The following DUSP11 variants were observed in gnomAD, a reference collection of about 807,000 sequenced individuals.
DUSP11 encodes the protein dual specificity phosphatase 11.
In DUSP11, 27 loss-of-function variants were observed where a neutral mutation model predicts 41.4. That is an observed-to-expected ratio of 0.65 (90% CI 0.48 to 0.90). DUSP11 has a LOEUF of 0.90. Ranked by LOEUF, DUSP11 falls within the 40% of genes least tolerant of loss-of-function variation. The pLI is 0.00. For missense variants in DUSP11, 465 were observed against 461.1 expected, an observed-to-expected ratio of 1.01 and a Z score of -0.08; for synonymous variants, 188 against 159.3, an observed-to-expected ratio of 1.18 and a Z score of -1.35.
chr2:73,768,523 T>G, intron 5 of DUSP11: 3 of 985,338 alleles, frequency 3.0e-6, no homozygotes, highest in Non-Finnish European at 2.4e-6. Context: ...CTATTTTGAG[T>G]GAAATTACCT....
intron 4 of DUSP11, among the ~76,000 whole-genome samples, chr2:73,771,405 G>GA (rs1316002829): frequency 6.6e-6 from 1 of 152,100 alleles, no homozygotes; most frequent in African/African-American, 2.4e-5. Context: ...CCTGCAGCTC[G>GA]AATGTTGTCT....
intron 8 of DUSP11, among the ~76,000 whole-genome samples, chr2:73,766,076 G>A (rs1397846261): frequency 3.3e-5 from 5 of 152,182 alleles, no homozygotes; most frequent in Non-Finnish European, 7.4e-5. Context: ...TTGGGAGGCT[G>A]AGGCGGGTAG....
chr2:73,765,565 CATCCATCT>C (rs964043987), intron 8 of DUSP11, among the ~76,000 whole-genome samples: 4 of 149,864 alleles, frequency 2.7e-5, no homozygotes, highest in African/African-American at 1.0e-4. Context: ...CCCATCCACC[CATCCATCT>C]ATCCATCCAT....
At chr2:73,767,056 C>A (rs967135226) in intron 6 of DUSP11, 105 bp downstream of exon 6, 10 of 1,322,728 alleles carry the variant, frequency 7.6e-6, no homozygotes, top group African/African-American at 1.5e-5. Flanking sequence ...TATATTGGAA[C>A]AAACGAATTA....
intron 3 of DUSP11, among the ~76,000 whole-genome samples, chr2:73,774,628 C>T (rs948351114): frequency 6.6e-6 from 1 of 152,210 alleles, no homozygotes; most frequent in Non-Finnish European, 1.5e-5. Flanking sequence ...CAAGTGGAAT[C>T]ATATATTTGT....
chr2:73,779,284 A>C (rs1013261139), intron 1 of DUSP11, among the ~76,000 whole-genome samples: 1 of 152,244 alleles, frequency 6.6e-6, no homozygotes, highest in Non-Finnish European at 1.5e-5. Flanking sequence ...ATAGTAGATA[A>C]AATGAAGAGG....
chr2:73,767,393 CA>C (rs1461318202), intron 5 of DUSP11, 186 bp from the exon 6 acceptor site: 2 of 504,030 alleles, frequency 4.0e-6, no homozygotes, highest in African/African-American at 3.9e-5. Context: ...TTCAAGAATG[CA>C]AGGATGACCC....
At chr2:73,770,467 A>C (rs1273527194) in intron 4 of DUSP11, among the ~76,000 whole-genome samples, 373 of 151,354 alleles carry the variant, frequency 2.5e-3, no homozygotes, top group African/African-American at 8.6e-3. Context: ...GTGTGCCAAA[A>C]TGGTGCCACT....
At chr2:73,769,244 C>T (rs371118499) in intron 5 of DUSP11, 21 bp downstream of exon 5, 1 of 1,604,082 alleles carries the variant, frequency 6.2e-7, no homozygotes, top group Admixed American at 1.7e-5. Context: ...AAATGGTCTG[C>T]CTCTGGGGTT....
chr2:73,771,399 C>A (rs1672569865), intron 4 of DUSP11, among the ~76,000 whole-genome samples: 1 of 152,222 alleles, frequency 6.6e-6, no homozygotes, highest in Non-Finnish European at 1.5e-5. Context: ...CTCATCCCTG[C>A]AGCTCGAATG....
chr2:73,766,038 G>A (rs902120789), intron 8 of DUSP11, among the ~76,000 whole-genome samples: 2 of 152,176 alleles, frequency 1.3e-5, no homozygotes, highest in African/African-American at 2.4e-5. Context: ...GGCCAGGCGC[G>A]GTGGCTCACG....
At chr2:73,775,747 G>C (rs1375284525) in intron 2 of DUSP11, among the ~76,000 whole-genome samples, 1 of 149,966 alleles carries the variant, frequency 6.7e-6, no homozygotes, top group African/African-American at 2.5e-5. Context: ...CCCAGCTACC[G>C]GGAGGCTGAG....
At chr2:73,771,938 A>T (rs1672589625) in intron 4 of DUSP11, among the ~76,000 whole-genome samples, 1 of 150,702 alleles carries the variant, frequency 6.6e-6, no homozygotes, top group Non-Finnish European at 1.5e-5. Context: ...CTCCTGCCTC[A>T]GCCCCCCGAG....
chr2:73,766,798 C>A, intron 7 of DUSP11, 30 bp downstream of exon 7: 1 of 1,550,100 alleles, frequency 6.5e-7, no homozygotes, highest in Non-Finnish European at 8.9e-7. Context: ...CCCTGACCCA[C>A]AAATCTCACA....
chr2:73,763,514 G>A (rs9309475), intron 8 of DUSP11, among the ~76,000 whole-genome samples: 87,441 of 152,002 alleles, frequency 0.58, 26,500 homozygotes, highest in East Asian at 0.68. Flanking sequence ...ACCTGAAGTC[G>A]GGAGTTCAAG....
At chr2:73,768,208 T>A (rs1672505456) in intron 5 of DUSP11, 1 of 153,574 alleles carries the variant, frequency 6.5e-6, no homozygotes, top group South Asian at 2.1e-4. Flanking sequence ...CACAGAAACC[T>A]CTAGTCCTCT....
chr2:73,762,532 T>C, exon 9 of DUSP11: 1 of 592,022 alleles, frequency 1.7e-6, no homozygotes. Context: ...AGCAATGCAA[T>C]TTTTCCTTAA....
Position 73,779,661 on chromosome 2 carries a change from C to T in DUSP11, c.242+213G>A, listed in dbSNP as rs745849613. The T allele has an allele frequency of 5.5e-6, 4 of 731,034 alleles. No homozygotes were observed. In the Admixed American group the frequency reaches 8.9e-5, roughly 16 times the overall value. 45.3% of individuals were successfully genotyped at this position (731,034 alleles called of 1,614,324 possible). The stretch of plus-strand genomic sequence containing the variant: ...TACCTAAGAGCAATGGCCAGAACCT[C>T]CCTTTTACAAGAATATGGAGAAATC... On this transcript the variant is annotated intron_variant, in intron 1 of 8. Transcript: ENST00000272444.
chr2:73,766,634 A>C (rs780375528), intron 7 of DUSP11, 40 bp from the exon 8 acceptor site: 20 of 1,561,390 alleles, frequency 1.3e-5, no homozygotes, highest in Non-Finnish European at 1.6e-5. Flanking sequence ...ACTGGTTTCC[A>C]AATTTAGTAG....
Sources: gnomAD v4.1 joint callset for allele counts (sites outside exome capture counted in the v4.1 genomes callset) on GRCh38, gnomAD v4.1.1 for gene constraint, MANE v1.5 for transcripts, NCBI Gene and HGNC (gene_info 2026-07-23, HGNC 2026-07-21) for gene names.